SLIT1: variants seen among roughly 807,000 people sequenced by gnomAD.
SLIT1 encodes the protein slit homolog 1 protein.
Under a neutral mutation model 186.1 loss-of-function variants are expected in SLIT1, and 66 were observed. The observed-to-expected ratio is 0.35, with a 90% CI of 0.29 to 0.44. SLIT1 has a LOEUF of 0.44. Ranked by LOEUF, SLIT1 falls within the 20% of genes least tolerant of loss-of-function variation. SLIT1 has a pLI of 1.00. For missense variants in SLIT1, 1,638 were observed against 2,037.4 expected (o/e 0.80, Z 3.77); for synonymous variants, 761 against 833.8 (o/e 0.91, Z 1.50).
At chr10:97,144,532 G>GCCTGCCAAAT (rs1209026228) in intron 4 of SLIT1, among the ~76,000 whole-genome samples, 1 of 152,182 alleles carries the variant, frequency 6.6e-6, no homozygotes, top group Non-Finnish European at 1.5e-5. Flanking sequence ...AGGCTAAGCT[G>GCCTGCCAAAT]CCTGCCAAAT....
At chr10:97,100,736 CA>C (rs1181554265) in intron 4 of SLIT1, among the ~76,000 whole-genome samples, 1 of 152,158 alleles carries the variant, frequency 6.6e-6, no homozygotes, top group Non-Finnish European at 1.5e-5. Flanking sequence ...TAGCATCACA[CA>C]TCGGCAATTT....
chr10:97,147,828 C>T (rs1849834648), intron 4 of SLIT1, among the ~76,000 whole-genome samples: 1 of 152,190 alleles, frequency 6.6e-6, no homozygotes, highest in Admixed American at 6.5e-5. Context: ...AACTGTGGGG[C>T]CCCTGCTCAC....
chr10:97,141,689 A>ATCGTG (rs1312217290), intron 4 of SLIT1, among the ~76,000 whole-genome samples: 1 of 117,146 alleles, frequency 8.5e-6, no homozygotes, highest in East Asian at 2.1e-4. Context: ...ATTGTATCGT[A>ATCGTG]TCGTATCGTA....
In SLIT1 at chr10:97,166,619, G is replaced by GAGA. The variant is rs1291379783; in HGVS notation, c.198-1730_198-1729insTCT. 4.3e-3 allele frequency among the ~76,000 whole-genome samples: 183 copies of GAGA among 42,996 alleles called. 1 individual carries two copies. The highest frequency in any genetic ancestry group is 0.012 in the African/African-American group (146 of 11,752). 28.2% of individuals were successfully genotyped at this position (42,996 alleles called of 152,430 possible). On this transcript the variant is annotated intron_variant, in intron 1 of 36. Transcript: ENST00000266058. The stretch of plus-strand genomic sequence containing the variant: ...AGAAAGAAAGAAAGAAAGAAAGAAA[G>GAGA]AAAGAGAAAAGAAAAGAAAAGAAAG...
chr10:97,078,125 T>C (rs1212109833), intron 4 of SLIT1, among the ~76,000 whole-genome samples: 1 of 151,910 alleles, frequency 6.6e-6, no homozygotes, highest in Non-Finnish European at 1.5e-5. Flanking sequence ...AAAAAATAAA[T>C]AAATAAAATA....
Position 97,042,927 on chromosome 10 carries a change from G to T in SLIT1, c.2138C>A (p.Ala713Asp). ...FLRQIPLQDV[A>D]FPDFRCEEGQ... is the part of the protein sequence containing the mutation. ...TTCCTCACACCTGAAGTCAGGGAAG[G>T]CCACGTCCTGCAGGGGAATCTGCCG... Residue 713 changes from alanine to aspartate, a missense_variant, in exon 20 of 37, where the codon GCC becomes GAC. Physicochemically the swap from Ala to Asp is moderately radical, Grantham distance 126. Transcript: ENST00000266058. 1 of 1,614,194 alleles carries T rather than the reference G, an allele frequency of 6.2e-7. No homozygotes were observed. Among genetic ancestry groups the T allele is most frequent in the Non-Finnish European group, 8.5e-7 (1 of 1,180,040 alleles).
chr10:97,066,162 G>C, intron 4 of SLIT1, 76 bp from the exon 5 acceptor site: 1 of 1,223,378 alleles, frequency 8.2e-7, no homozygotes, highest in Admixed American at 2.0e-5. Flanking sequence ...GATAAGTCAG[G>C]GAAGCAGGGC....
intron 4 of SLIT1, among the ~76,000 whole-genome samples, chr10:97,084,536 A>G (rs941507567): frequency 2.0e-5 from 3 of 152,240 alleles, no homozygotes; most frequent in Non-Finnish European, 4.4e-5. Context: ...TTAAGGCCCA[A>G]TAAATAGGAG....
At chr10:97,078,732 G>A (rs143779491) in intron 4 of SLIT1, among the ~76,000 whole-genome samples, 388 of 152,358 alleles carry the variant, frequency 2.5e-3, no homozygotes, top group African/African-American at 8.7e-3. Context: ...AGCAGGCAAC[G>A]AGGGTGAATG....
intron 25 of SLIT1, among the ~76,000 whole-genome samples, chr10:97,025,605 G>A (rs1241170723): frequency 6.6e-6 from 1 of 152,190 alleles, no homozygotes; most frequent in East Asian, 1.9e-4. Context: ...CGACTGAGAT[G>A]TATTTGGTGG....
intron 31 of SLIT1, among the ~76,000 whole-genome samples, chr10:97,009,148 A>AT (rs1386725634): frequency 6.6e-6 from 1 of 152,144 alleles, no homozygotes; most frequent in Non-Finnish European, 1.5e-5. Context: ...AAGTGCTGGG[A>AT]TTACAGGTGT....
chr10:97,048,838 A>C (rs1848759829), intron 14 of SLIT1, 117 bp downstream of exon 14: 10 of 542,662 alleles, frequency 1.8e-5, no homozygotes, highest in African/African-American at 8.3e-5. Flanking sequence ...CAGGCAGGCA[A>C]GTGAGCAGGC....
chr10:97,060,891 T>A, intron 8 of SLIT1, 104 bp from the exon 9 acceptor site: 1 of 1,268,566 alleles, frequency 7.9e-7, no homozygotes, highest in Admixed American at 2.8e-5. Flanking sequence ...TGGCAGTTTC[T>A]CTCGATAAGG....
At chr10:97,172,487 A>G (rs563138519) in intron 1 of SLIT1, among the ~76,000 whole-genome samples, 1 of 152,330 alleles carries the variant, frequency 6.6e-6, no homozygotes, top group African/African-American at 2.4e-5. Context: ...CACATGATAG[A>G]TGTTTCAGTA....
intron 4 of SLIT1, among the ~76,000 whole-genome samples, chr10:97,118,343 T>G (rs1446841879): frequency 6.6e-6 from 1 of 152,136 alleles, no homozygotes; most frequent in Non-Finnish European, 1.5e-5. Context: ...CTCAGGGCCT[T>G]CAGGACTTTG....
Position 97,025,642 on chromosome 10 carries a change from A to G in SLIT1, c.2583-4229T>C, listed in dbSNP as rs530486670. 3.3e-5 allele frequency among the ~76,000 whole-genome samples: 5 copies of G among 152,326 alleles called. No homozygotes were observed. The East Asian group carries it at 7.7e-4, about 23-fold the overall frequency. The stretch of plus-strand genomic sequence containing the variant: ...CAGGGGTTGGGGAGGCAGACACCGC[A>G]GCCAGGCCACGCCAATCCAAAAGGA... On this transcript the variant is annotated intron_variant, in intron 25 of 36. Coordinates refer to ENST00000266058, the MANE Select transcript of SLIT1 (RefSeq NM_003061.3).
chr10:96,999,155 A>T lies in SLIT1; in HGVS notation c.*1957T>A, dbSNP rs1848276936. ...AGGGATGCCATGTGGGCCTGGGAGA[A>T]GCCCCATGAGGCCCAGGCTGCAGTC... On this transcript the variant is annotated 3_prime_UTR_variant, in exon 37 of 37. Coordinates refer to ENST00000266058, the MANE Select transcript of SLIT1 (RefSeq NM_003061.3). 6.6e-6 allele frequency: 1 copy of T among 152,062 alleles called. No individual in the cohort carries two copies. Among genetic ancestry groups the T allele is most frequent in the Admixed American group, 6.6e-5 (1 of 15,266 alleles). The allele number at this position is 152,062 out of a possible 1,614,324, so 9.4% of individuals were successfully genotyped here. A position where few individuals can be genotyped will look rare whatever the true frequency, so the allele number is the denominator to read the frequency against.
In SLIT1 at chr10:97,001,483, C is replaced by T; in HGVS notation, c.4367-133G>A. ...GGATCCTTTGGCTCTCAGACCCCAC[C>T]TCTGTCCCCAGCATACTTCCGCCTC... On this transcript the variant is annotated intron_variant, in intron 36 of 36. Coordinates refer to ENST00000266058, the MANE Select transcript of SLIT1 (RefSeq NM_003061.3). 3 of 679,890 alleles carry T rather than the reference C, an allele frequency of 4.4e-6. No individual in the cohort carries two copies. In the South Asian group the frequency reaches 5.3e-5, roughly 12 times the overall value. 42.1% of individuals were successfully genotyped at this position (679,890 alleles called of 1,614,324 possible).
chr10:97,159,035 A>C (rs978780988), intron 3 of SLIT1, among the ~76,000 whole-genome samples: 1 of 152,148 alleles, frequency 6.6e-6, no homozygotes, highest in Non-Finnish European at 1.5e-5. Flanking sequence ...AATACAAAAA[A>C]ATTAGCTGGG....
Sources: gnomAD v4.1 joint callset for allele counts (sites outside exome capture counted in the v4.1 genomes callset) on GRCh38, gnomAD v4.1.1 for gene constraint, MANE v1.5 for transcripts, NCBI Gene and HGNC (gene_info 2026-07-23, HGNC 2026-07-21) for gene names.